The following SMCO2 variants were observed in gnomAD, a reference collection of about 807,000 sequenced individuals.
SMCO2 encodes the protein single-pass membrane and coiled-coil domain-containing protein 2.
A neutral mutation model predicts 29.5 loss-of-function variants in SMCO2; 25 were observed. The observed-to-expected ratio is 0.85, with a 90% CI of 0.62 to 1.18. The LOEUF is 1.18. SMCO2 is among the 50% of genes most tolerant of loss of function. The probability of loss-of-function intolerance (pLI) is 0.00; values close to 1 mark genes in which losing one functional copy is unlikely to be tolerated. For missense variants in SMCO2, 348 were observed against 344.5 expected (o/e 1.01, Z -0.08); for synonymous variants, 117 against 123.3 (o/e 0.95, Z 0.34).
chr12:27,457,768 A>G, the SMCO2 span, among the ~76,000 whole-genome samples: 7 of 152,260 alleles, frequency 4.6e-5, no homozygotes, highest in Non-Finnish European at 8.8e-5. Flanking sequence ...GTACAGGTGA[A>G]GTCAGAATCT....
chr12:27,479,116 C>A (rs543269262), intron 4 of SMCO2, among the ~76,000 whole-genome samples: 1 of 151,286 alleles, frequency 6.6e-6, no homozygotes, highest in African/African-American at 2.4e-5. Context: ...TCCCCAGGCC[C>A]CTAGGCAGTG....
At chr12:27,498,431 T>G in intron 7 of SMCO2, 1 of 216,734 alleles carries the variant, frequency 4.6e-6, no homozygotes, top group Non-Finnish European at 9.7e-6. Flanking sequence ...GCAGCTACTT[T>G]CACAGAGTTC....
intron 6 of SMCO2, 75 bp downstream of exon 7, chr12:27,494,431 G>A: frequency 1.0e-6 from 1 of 956,344 alleles, no homozygotes; most frequent in Non-Finnish European, 1.5e-6. Context: ...GTCATTCATT[G>A]CCTAGAATAT....
the SMCO2 span, among the ~76,000 whole-genome samples, chr12:27,427,265 C>G: frequency 2.0e-5 from 3 of 152,222 alleles, no homozygotes; most frequent in Non-Finnish European, 4.4e-5. Flanking sequence ...CTTGTTAAAA[C>G]ACAGATTATG....
At chr12:27,428,711 A>ACTCCTGG in the SMCO2 span, among the ~76,000 whole-genome samples, 2,290 of 145,290 alleles carry the variant, frequency 0.016, 63 homozygotes, top group African/African-American at 0.056. Flanking sequence ...TTTCTTAGAC[A>ACTCCTGG]CTCCTGGCTC....
At chr12:27,488,424 T>C (rs1248820569) in intron 4 of SMCO2, 36 bp from the exon 6 acceptor site, 4 of 1,377,968 alleles carry the variant, frequency 2.9e-6, no homozygotes, top group Non-Finnish European at 3.8e-6. Context: ...TGATTTTTCT[T>C]AATCTGCAGG....
chr12:27,455,433 G>C, the SMCO2 span, among the ~76,000 whole-genome samples: 1 of 152,168 alleles, frequency 6.6e-6, no homozygotes, highest in East Asian at 1.9e-4. Context: ...CAAAAGATAA[G>C]ATACATTTGT....
the SMCO2 span, among the ~76,000 whole-genome samples, chr12:27,461,707 C>T: frequency 1.6e-4 from 25 of 152,196 alleles, no homozygotes; most frequent in Non-Finnish European, 1.5e-4. Context: ...TCATACAATA[C>T]GATTTGTCAG....
upstream of SMCO2, among the ~76,000 whole-genome samples, chr12:27,463,201 G>A (rs1333833219): frequency 1.3e-5 from 2 of 152,196 alleles, no homozygotes; most frequent in East Asian, 3.8e-4. Flanking sequence ...GGGTGCTGCT[G>A]TTTGTGATTC....
At chr12:27,472,746 C>T (rs1949551668) in intron 2 of SMCO2, 30 bp from the exon 3 acceptor site, 2 of 1,526,498 alleles carry the variant, frequency 1.3e-6, no homozygotes, top group Non-Finnish European at 1.8e-6. Context: ...GGCATAATAA[C>T]AGCCTCTGTT....
intron 4 of SMCO2, among the ~76,000 whole-genome samples, chr12:27,483,052 T>C (rs1176491515): frequency 6.6e-6 from 1 of 152,212 alleles, no homozygotes; most frequent in African/African-American, 2.4e-5. Flanking sequence ...TATTGAGACT[T>C]GTTCTATGGC....
chr12:27,458,812 G>A, the SMCO2 span, among the ~76,000 whole-genome samples: 8 of 151,550 alleles, frequency 5.3e-5, no homozygotes, highest in South Asian at 2.1e-4. Context: ...GCTTGAACCC[G>A]GGAGGCGGAG....
chr12:27,452,412 C>A, the SMCO2 span, among the ~76,000 whole-genome samples: 3 of 152,202 alleles, frequency 2.0e-5, no homozygotes, highest in Non-Finnish European at 2.9e-5. Context: ...TAAATCCAAT[C>A]ATCCACTGAT....
intron 5 of SMCO2, among the ~76,000 whole-genome samples, chr12:27,492,830 G>T (rs921190592): frequency 6.6e-6 from 1 of 152,126 alleles, no homozygotes; most frequent in African/African-American, 2.4e-5. Context: ...TCCCATTATT[G>T]TGTATATACC....
chr12:27,486,616 C>T (rs1231705184), intron 4 of SMCO2, among the ~76,000 whole-genome samples: 1 of 152,118 alleles, frequency 6.6e-6, no homozygotes, highest in Admixed American at 6.5e-5. Flanking sequence ...AATGGATTTC[C>T]TTGTCTGCCT....
chr12:27,436,600 G>T, the SMCO2 span, among the ~76,000 whole-genome samples: 1 of 152,144 alleles, frequency 6.6e-6, no homozygotes, highest in East Asian at 1.9e-4. Flanking sequence ...GAAATAATGA[G>T]CTTCCGGGTG....
At chr12:27,455,585 C>T in the SMCO2 span, among the ~76,000 whole-genome samples, 2 of 152,048 alleles carry the variant, frequency 1.3e-5, no homozygotes, top group Admixed American at 1.3e-4. Flanking sequence ...TTTCTCTTGC[C>T]CCACCAAATC....
At chr12:27,498,886 G>A (rs1943043560) in intron 7 of SMCO2, among the ~76,000 whole-genome samples, 1 of 150,218 alleles carries the variant, frequency 6.7e-6, no homozygotes, top group Admixed American at 6.6e-5. Context: ...GAACCACAGT[G>A]GGATACCACT....
At chr12:27,464,953 T>G (rs1313234713), upstream of SMCO2, among the ~76,000 whole-genome samples, 1 of 135,974 alleles carries the variant, frequency 7.4e-6, no homozygotes. Context: ...GGTGTGAACC[T>G]GGGAGGCAGA....
Sources: gnomAD v4.1 joint callset for allele counts (sites outside exome capture counted in the v4.1 genomes callset) on GRCh38, gnomAD v4.1.1 for gene constraint, MANE v1.5 for transcripts, NCBI Gene and HGNC (gene_info 2026-07-23, HGNC 2026-07-21) for gene names.